The following RBM12B variants were observed in gnomAD, a reference collection of about 807,000 sequenced individuals.
RBM12B encodes RNA-binding protein 12B.
In RBM12B, 10 loss-of-function variants were observed where a neutral mutation model predicts 34.3. The observed-to-expected ratio is 0.29, with a 90% confidence interval of 0.18 to 0.49. RBM12B has a LOEUF of 0.49. Ranked by LOEUF, RBM12B falls within the 20% of genes least tolerant of loss-of-function variation. The pLI is 0.99. For synonymous variants in RBM12B, 477 were observed against 437.1 expected, an observed-to-expected ratio of 1.09 and a Z score of -1.14; for missense variants, 1,139 against 1,262.7, an observed-to-expected ratio of 0.90 and a Z score of 1.48.
At position 93,734,740 on chromosome 8, in the gene RBM12B, GTCT is replaced by G. The variant is rs759888030; in HGVS notation, c.1668_1670del (p.Glu556del). 1 of 1,614,172 alleles carries G rather than the reference GTCT, an allele frequency of 6.2e-7. No individual in the cohort carries two copies. Among genetic ancestry groups the G allele is most frequent in the Non-Finnish European group, 8.5e-7 (1 of 1,180,008 alleles). ...TAAAGTCCTCTGAGGAGTGTCGGAA[GTCT>G]TCTGGAGGGTGCCTGTCAGGCTGCC... On this transcript the variant is annotated inframe_deletion, in exon 4 of 4. Transcript: ENST00000520560.
Position 93,732,220 on chromosome 8 carries a change from G to C in RBM12B, c.*1185C>G, listed in dbSNP as rs574838190. 7.9e-5 allele frequency: 12 copies of C among 152,186 alleles called. No homozygotes were observed. The highest frequency in any genetic ancestry group is 2.9e-4 in the African/African-American group (12 of 41,444). 9.4% of individuals were successfully genotyped at this position (152,186 alleles called of 1,614,324 possible). On this transcript the variant is annotated 3_prime_UTR_variant, in exon 4 of 4. Transcript: ENST00000520560. ...GTAAATAATTAACCCTGTACTCACA[G>C]GGAATACCGAGATTATGCATGTAAA...
In RBM12B at chr8:93,728,283, A is replaced by ATTC. The variant is rs372759708; in HGVS notation, c.*5121_*5122insGAA. 8.4e-5 allele frequency: 133 copies of ATTC among 1,583,082 alleles called. No individual in the cohort carries two copies. The African/African-American group carries it at 1.3e-3, about 16-fold the overall frequency. The stretch of plus-strand genomic sequence containing the variant: ...CGAGTTAGATGTTACAGAAGAAGAA[A>ATTC]ATTTTCTTAAGTAAACTACACATTT... On this transcript the variant is annotated 3_prime_UTR_variant, in exon 4 of 4. Transcript: ENST00000520560.
rs369779129 is a variant in RBM12B, at chr8:93,734,997, A to G, written c.1414T>C (p.Leu472=). Residue 472 remains leucine, a synonymous_variant, in exon 4 of 4, where the codon TTA becomes CTA. Coordinates refer to ENST00000520560, the MANE Select transcript of RBM12B (RefSeq NM_001377960.1). ...RRRFLGTEVL[L]RLISEAQIQE... is the part of the protein sequence containing the mutation. ...ATTTGTGCCTCAGATATAAGTCTTA[A>G]TAACACCTCTGTCCCTAGGAATCTT... The G allele has an allele frequency of 2.5e-6, 4 of 1,614,090 alleles. No individual in the cohort carries two copies. The African/African-American group carries it at 4.0e-5, about 16-fold the overall frequency.
chr8:93,734,010 C>T lies in RBM12B; in HGVS notation c.2401G>A (p.Glu801Lys), dbSNP rs754623294. 3.7e-6 allele frequency: 6 copies of T among 1,610,420 alleles called. No homozygotes were observed. In the African/African-American group the frequency reaches 4.0e-5, roughly 11 times the overall value. ...PQEHFRRSRE[E>K]DFRHPPDEDF... Reference sequence around the variant, plus strand: ...TCATCTGGTGGGTGCCTGAAATCTTCCTCTCGGGAGCGCCTGAAATGCTCC... The same window carrying T: ...TCATCTGGTGGGTGCCTGAAATCTTTCTCTCGGGAGCGCCTGAAATGCTCC... The change falls in exon 4 of 4, where the codon GAA (glutamate) becomes AAA (lysine). Residue 801 changes from glutamate (E) to lysine (K), a missense_variant. Coordinates refer to ENST00000520560, the MANE Select transcript of RBM12B (RefSeq NM_001377960.1).
In RBM12B at chr8:93,734,712, A is replaced by T; in HGVS notation, c.1699T>A (p.Phe567Ile). ...DFRHSSEDFR[F>I]PPEDFRHSPE... is the part of the protein sequence containing the mutation. The stretch of plus-strand genomic sequence containing the variant: ...GAGTGCCTGAAGTCCTCCGGGGGGA[A>T]CCTAAAGTCCTCTGAGGAGTGTCGG... Residue 567 changes from phenylalanine to isoleucine, a missense_variant, in exon 4 of 4, where the codon TTC becomes ATC. Physicochemically the swap from Phe to Ile is conservative, Grantham distance 21. Transcript: ENST00000520560. The T allele has an allele frequency of 6.2e-7, 1 of 1,613,808 alleles. No individual in the cohort carries two copies. Among genetic ancestry groups the T allele is most frequent in the Non-Finnish European group, 8.5e-7 (1 of 1,179,798 alleles).
chr8:93,734,953 A>G lies in RBM12B; in HGVS notation c.1458T>C (p.Asn486=), dbSNP rs1203416644. ...SEAQIQEFGV[N]FSVMSSEKMQ... ...TTTTTTCACTGGACATCACAGAAAAATTTACACCAAACTCCTGTATTTGTG... is the reference window on the plus strand; with the variant it reads ...TTTTTTCACTGGACATCACAGAAAAGTTTACACCAAACTCCTGTATTTGTG... The change falls in exon 4 of 4, where the codon AAT becomes AAC. Residue 486 remains asparagine, a synonymous_variant. Coordinates refer to ENST00000520560, the MANE Select transcript of RBM12B (RefSeq NM_001377960.1). 6.2e-6 allele frequency: 10 copies of G among 1,613,954 alleles called. No homozygotes were observed. In the South Asian group the frequency reaches 1.1e-4, roughly 18 times the overall value.
At position 93,735,988 on chromosome 8, in the gene RBM12B, A is replaced by T. The variant is rs758757472; in HGVS notation, c.423T>A (p.Asn141Lys). 1.5e-5 allele frequency: 24 copies of T among 1,614,076 alleles called. No homozygotes were observed. The highest frequency in any genetic ancestry group is 1.9e-5 in the Non-Finnish European group (23 of 1,180,038). Residue 141 changes from asparagine to lysine, a missense_variant, in exon 4 of 4, where the codon AAT (asparagine) becomes AAA (lysine). By Grantham distance (94) the Asn-to-Lys change is moderately conservative (BLOSUM62 0). Coordinates refer to ENST00000520560, the MANE Select transcript of RBM12B (RefSeq NM_001377960.1). ...GFHTNGTGHG[N>K]LRPRKTRPLK... Reference sequence around the variant, plus strand: ...ATGGCCTTGTCTTTCTTGGCCTTAAATTACCATGTCCTGTACCATTAGTAT... The same window carrying T: ...ATGGCCTTGTCTTTCTTGGCCTTAATTTACCATGTCCTGTACCATTAGTAT...
chr8:93,734,738 A>C lies in RBM12B; in HGVS notation c.1673T>G (p.Phe558Cys), dbSNP rs756448376. ...CCTAAAGTCCTCTGAGGAGTGTCGG[A>C]AGTCTTCTGGAGGGTGCCTGTCAGG... ...RQPDRHPPED[F>C]RHSSEDFRFP... The change falls in exon 4 of 4, where the codon TTC becomes TGC. Residue 558 changes from phenylalanine to cysteine, a missense_variant. Physicochemically the swap from Phe to Cys is radical, Grantham distance 205. Transcript: ENST00000520560. 2.5e-6 allele frequency: 4 copies of C among 1,613,966 alleles called. No individual in the cohort carries two copies. In the African/African-American group the frequency reaches 5.3e-5, roughly 22 times the overall value.
chr8:93,734,117 C>A lies in RBM12B; in HGVS notation c.2294G>T (p.Arg765Leu). The A allele has an allele frequency of 6.4e-7, 1 of 1,558,154 alleles. No individual in the cohort carries two copies. The highest frequency in any genetic ancestry group is 1.2e-5 in the South Asian group (1 of 82,966). The change falls in exon 4 of 4, where the codon CGG becomes CTG. Residue 765 changes from arginine (R) to leucine (L), a missense_variant. By Grantham distance (102) the Arg-to-Leu change is moderately radical. Coordinates refer to ENST00000520560, the MANE Select transcript of RBM12B (RefSeq NM_001377960.1). ...FRRPPPEHFR[R>L]PPPEHFRRPP... ...GCGCCTGAAATGCTCTGGGGGTGGC[C>A]GCCTGAAGTGCTCTGGGGGTGGCCG...
chr8:93,738,099 A>G (rs1043175203), intron 2 of RBM12B, among the ~76,000 whole-genome samples: 2 of 152,242 alleles, frequency 1.3e-5, no homozygotes, highest in Admixed American at 6.5e-5. Context: ...ACCAAATTTC[A>G]TGAAGCCAGT....
Position 93,733,238 on chromosome 8 carries a change from C to A in RBM12B, c.*167G>T. On this transcript the variant is annotated 3_prime_UTR_variant, in exon 4 of 4. Coordinates refer to ENST00000520560, the MANE Select transcript of RBM12B (RefSeq NM_001377960.1). Reference sequence around the variant, plus strand: ...AAAAAAAAGAATGGCAATTTGCAAGCAAAAGAAAACCAGATTCACATTCTA... The same window carrying A: ...AAAAAAAAGAATGGCAATTTGCAAGAAAAAGAAAACCAGATTCACATTCTA... 4.3e-6 allele frequency: 2 copies of A among 468,322 alleles called. No homozygotes were observed. Among genetic ancestry groups the A allele is most frequent in the South Asian group, 1.1e-4 (1 of 8,884 alleles). 29.0% of individuals were successfully genotyped at this position (468,322 alleles called of 1,614,324 possible). A position where few individuals can be genotyped will look rare whatever the true frequency, so the allele number is the denominator to read the frequency against.
intron 2 of RBM12B, chr8:93,739,099 T>C (rs941429203): frequency 1.3e-4 from 20 of 152,220 alleles, no homozygotes; most frequent in African/African-American, 4.3e-4. Context: ...ATACTTACTT[T>C]ATCCATATTA....
intron 2 of RBM12B, chr8:93,740,327 G>A (rs1253136321): frequency 2.2e-6 from 1 of 457,252 alleles, no homozygotes; most frequent in Non-Finnish European, 4.4e-6. Context: ...CAAAGCCTTT[G>A]TCCACAACTC....
At position 93,735,790 on chromosome 8, in the gene RBM12B, A is replaced by G; in HGVS notation, c.621T>C (p.Ala207=). 2 of 1,614,104 alleles carry G rather than the reference A, an allele frequency of 1.2e-6. No individual in the cohort carries two copies. Among genetic ancestry groups the G allele is most frequent in the South Asian group, 1.1e-5 (1 of 91,078 alleles). ...TTCTATGACATTTAAGACCTCCTGA[A>G]GCATCAACACATGAAGCAAATTTTA... The part of the protein sequence containing the change: ...AIVKFASCVD[A]SGGLKCHRSF... Residue 207 remains alanine (A), a synonymous_variant, in exon 4 of 4, where the codon GCT becomes GCC. Transcript: ENST00000520560.
rs533252158 is a variant in RBM12B at position 93,735,664 on chromosome 8, TCTC to T, written c.744_746del (p.Arg249del). On this transcript the variant is annotated inframe_deletion, in exon 4 of 4. Coordinates refer to ENST00000520560, the MANE Select transcript of RBM12B (RefSeq NM_001377960.1). ...CTCTTGGTGGAGAATGTTCTTCAGA[TCTC>T]CTAAGAACGTCACCCTCCTTAACTG... 3.0e-4 allele frequency: 486 copies of T among 1,614,022 alleles called. 1 individual carries two copies. The African/African-American group carries it at 5.4e-3, about 18-fold the overall frequency.
chr8:93,734,912 T>C lies in RBM12B; in HGVS notation c.1499A>G (p.Gln500Arg), dbSNP rs777043643. 1 of 1,613,350 alleles carries C rather than the reference T, an allele frequency of 6.2e-7. No individual in the cohort carries two copies. The highest frequency in any genetic ancestry group is 8.5e-7 in the Non-Finnish European group (1 of 1,179,280). Residue 500 changes from glutamine to arginine, a missense_variant, in exon 4 of 4, where the codon CAG becomes CGG. By Grantham distance (43) the Gln-to-Arg change is conservative. Transcript: ENST00000520560. ...GGAATGGTCACCTCGCTCACGTGAC[T>C]GTGAGCGAGCTTGCATTTTTTCACT... ...MSSEKMQARS[Q>R]SRERGDHSHL...
At position 93,732,022 on chromosome 8, in the gene RBM12B, A is replaced by G. The variant is rs979993584; in HGVS notation, c.*1383T>C. 1.3e-5 allele frequency: 2 copies of G among 152,424 alleles called. No homozygotes were observed. The highest frequency in any genetic ancestry group is 4.8e-5 in the African/African-American group (2 of 41,448). 9.4% of individuals were successfully genotyped at this position (152,424 alleles called of 1,614,324 possible). ...ATTTATCCTTGAAAGTATCTTTAGC[A>G]TGGTCTTCCTAATTAAAAATACCAC... On this transcript the variant is annotated 3_prime_UTR_variant, in exon 4 of 4. Transcript: ENST00000520560.
At position 93,735,994 on chromosome 8, in the gene RBM12B, A is replaced by G. The variant is rs751448377; in HGVS notation, c.417T>C (p.His139=). The G allele has an allele frequency of 1.7e-5, 27 of 1,614,044 alleles. No individual in the cohort carries two copies. The highest frequency in any genetic ancestry group is 3.3e-5 in the Admixed American group (2 of 60,002). Residue 139 remains histidine, a synonymous_variant, in exon 4 of 4, where the codon CAT becomes CAC. Coordinates refer to ENST00000520560, the MANE Select transcript of RBM12B (RefSeq NM_001377960.1). ...TTGTCTTTCTTGGCCTTAAATTACC[A>G]TGTCCTGTACCATTAGTATGAAACC... ...DAGFHTNGTG[H]GNLRPRKTRP... is the part of the protein sequence containing the mutation.
At position 93,731,153 on chromosome 8, in the gene RBM12B, C is replaced by CTT. The variant is rs1267513392; in HGVS notation, c.*2251_*2252insAA. On this transcript the variant is annotated 3_prime_UTR_variant, in exon 4 of 4. Transcript: ENST00000520560. ...CCAGCCTGGCCAGCAGAACAAGACTCTGACTCTTAAAATAATAAAACTACA... is the reference window on the plus strand; with the variant it reads ...CCAGCCTGGCCAGCAGAACAAGACTCTTTGACTCTTAAAATAATAAAACTACA... 1.3e-5 allele frequency: 2 copies of CTT among 152,186 alleles called. No individual in the cohort carries two copies. Among genetic ancestry groups the CTT allele is most frequent in the African/African-American group, 4.8e-5 (2 of 41,444 alleles). The allele number at this position is 152,186 out of a possible 1,614,324, so 9.4% of individuals were successfully genotyped here. A position where few individuals can be genotyped will look rare whatever the true frequency, so the allele number is the denominator to read the frequency against.
Sources: gnomAD v4.1 joint callset for allele counts (sites outside exome capture counted in the v4.1 genomes callset) on GRCh38, gnomAD v4.1.1 for gene constraint, MANE v1.5 for transcripts, NCBI Gene and HGNC (gene_info 2026-07-23, HGNC 2026-07-21) for gene names.